Variants in AGBL4 observed in about 807,000 individuals in gnomAD.
AGBL4 encodes the protein cytosolic carboxypeptidase 6.
AGBL4 carries 58 observed loss-of-function variants against 66.4 expected under a neutral mutation model. The observed-to-expected ratio is 0.87, with a 90% CI of 0.71 to 1.09. The LOEUF (loss-of-function observed/expected upper bound fraction) is 1.09. Among genes scored for constraint, AGBL4 ranks in the 50% least tolerant of loss-of-function variants. AGBL4 has a pLI of 0.00. For synonymous variants in AGBL4, 234 were observed against 222.9 expected (o/e 1.05, Z -0.44); for missense variants, 579 against 631.0 (o/e 0.92, Z 0.88).
rs959266830 is a variant in AGBL4, at chr1:49,974,488, T to C, written c.34+49275A>G. Among the ~76,000 whole-genome samples, 4 of 152,266 alleles carry C rather than the reference T, an allele frequency of 2.6e-5. No homozygotes were observed. The South Asian group carries it at 6.2e-4, about 24-fold the overall frequency. Reference sequence around the variant, plus strand: ...CAATATTTATTCTCAGGTGTGGAAATAGTCTTTCTTCAGCTGGTAAGTGAC... The same window carrying C: ...CAATATTTATTCTCAGGTGTGGAAACAGTCTTTCTTCAGCTGGTAAGTGAC... On this transcript the variant is annotated intron_variant, in intron 1 of 13. Transcript: ENST00000371839.
chr1:49,133,714 T>A (rs1443483913), intron 4 of AGBL4, among the ~76,000 whole-genome samples: 1 of 152,056 alleles, frequency 6.6e-6, no homozygotes, highest in East Asian at 1.9e-4. Context: ...TTCGGTAATA[T>A]CCCTGCTAAA....
intron 4 of AGBL4, among the ~76,000 whole-genome samples, chr1:49,233,387 G>A (rs1156247887): frequency 1.3e-5 from 2 of 152,180 alleles, no homozygotes; most frequent in Non-Finnish European, 1.5e-5. Flanking sequence ...AAAAGAAATA[G>A]ACTAAATAGA....
intron 5 of AGBL4, among the ~76,000 whole-genome samples, chr1:48,871,094 T>C (rs1449873734): frequency 6.6e-6 from 1 of 152,194 alleles, no homozygotes; most frequent in East Asian, 1.9e-4. Flanking sequence ...ACATGGTTTA[T>C]AGAATTTGAC....
chr1:49,126,734 G>T (rs770449080), intron 4 of AGBL4, among the ~76,000 whole-genome samples: 2 of 152,032 alleles, frequency 1.3e-5, no homozygotes, highest in African/African-American at 4.8e-5. Context: ...TTATAACATG[G>T]TGCCTCTTTT....
chr1:49,330,405 C>T (rs759355919), intron 3 of AGBL4, among the ~76,000 whole-genome samples: 5 of 151,946 alleles, frequency 3.3e-5, no homozygotes, highest in African/African-American at 7.3e-5. Flanking sequence ...GGTGACAGAG[C>T]GAGACTGTGT....
At chr1:48,699,919 A>T (rs1349192964) in intron 6 of AGBL4, among the ~76,000 whole-genome samples, 4 of 134,000 alleles carry the variant, frequency 3.0e-5, no homozygotes, top group African/African-American at 1.0e-4. Flanking sequence ...ACATACATAC[A>T]TATACATATA....
intron 2 of AGBL4, among the ~76,000 whole-genome samples, chr1:49,713,314 C>G (rs1647817237): frequency 1.3e-5 from 2 of 152,104 alleles, no homozygotes; most frequent in Admixed American, 1.3e-4. Context: ...TCCAAGCTTA[C>G]AGGGGCTGAA....
chr1:49,379,636 T>C (rs962426875), intron 3 of AGBL4, among the ~76,000 whole-genome samples: 2 of 152,164 alleles, frequency 1.3e-5, no homozygotes, highest in Non-Finnish European at 2.9e-5. Context: ...ATTGAGATAA[T>C]CATGTGGTTT....
At chr1:49,123,464 T>G (rs1645702562) in intron 4 of AGBL4, among the ~76,000 whole-genome samples, 1 of 152,158 alleles carries the variant, frequency 6.6e-6, no homozygotes, top group Non-Finnish European at 1.5e-5. Flanking sequence ...TCATACACAT[T>G]TTGAGATATT....
intron 2 of AGBL4, among the ~76,000 whole-genome samples, chr1:49,830,152 C>A (rs1449598216): frequency 2.0e-5 from 3 of 152,048 alleles, no homozygotes; most frequent in Admixed American, 6.6e-5. Context: ...TTGCTGGGTC[C>A]AATGGTATTT....
chr1:49,775,918 A>T (rs1644184101), intron 2 of AGBL4, among the ~76,000 whole-genome samples: 1 of 152,140 alleles, frequency 6.6e-6, no homozygotes, highest in Non-Finnish European at 1.5e-5. Context: ...TCAAATCACA[A>T]TTCTGACTCT....
At chr1:48,740,457 T>G (rs764682258) in intron 6 of AGBL4, among the ~76,000 whole-genome samples, 13 of 152,206 alleles carry the variant, frequency 8.5e-5, no homozygotes, top group Non-Finnish European at 1.5e-4. Context: ...AGCTTTATGA[T>G]TCAATGAGTT....
intron 5 of AGBL4, among the ~76,000 whole-genome samples, chr1:48,906,263 A>G (rs1283519986): frequency 6.6e-6 from 1 of 152,220 alleles, no homozygotes; most frequent in Non-Finnish European, 1.5e-5. Context: ...ATAGCATGTT[A>G]TTTTACCTAG....
rs369557998 is a variant in AGBL4, at chr1:48,604,492, G to A, written c.952-13507C>T. On this transcript the variant is annotated intron_variant, in intron 9 of 13. Transcript: ENST00000371839. ...TCCCCCATGTAATCATGTGTTTTCC[G>A]TATAAATAGAACTCTTTATTAATAT... 1.2e-3 allele frequency among the ~76,000 whole-genome samples: 178 copies of A among 151,878 alleles called. 1 individual carries two copies. The South Asian group carries it at 0.021, about 18-fold the overall frequency.
intron 4 of AGBL4, among the ~76,000 whole-genome samples, chr1:49,172,225 C>T (rs1393769754): frequency 6.6e-6 from 1 of 152,172 alleles, no homozygotes; most frequent in African/African-American, 2.4e-5. Flanking sequence ...CTAGGAGCCA[C>T]ACTAAGCCCT....
At chr1:48,702,218 G>T (rs2148507284) in intron 6 of AGBL4, among the ~76,000 whole-genome samples, 1 of 152,248 alleles carries the variant, frequency 6.6e-6, no homozygotes, top group South Asian at 2.1e-4. Context: ...GCCAGCCAGA[G>T]CCTGAGTCCT....
chr1:49,186,192 A>G (rs1647013334), intron 4 of AGBL4, among the ~76,000 whole-genome samples: 1 of 152,114 alleles, frequency 6.6e-6, no homozygotes, highest in South Asian at 2.1e-4. Context: ...CCCTATGCAT[A>G]CATATTTCTT....
chr1:49,278,657 A>T (rs1644219018), intron 3 of AGBL4, among the ~76,000 whole-genome samples: 1 of 152,178 alleles, frequency 6.6e-6, no homozygotes, highest in Admixed American at 6.5e-5. Context: ...AGTCTCAGTC[A>T]GTATCCAGGC....
At chr1:49,494,633 C>T (rs1454876054) in intron 3 of AGBL4, among the ~76,000 whole-genome samples, 1 of 152,046 alleles carries the variant, frequency 6.6e-6, no homozygotes, top group Non-Finnish European at 1.5e-5. Flanking sequence ...CATAGTATTC[C>T]ATGGTGTATA....
Sources: gnomAD v4.1 joint callset for allele counts (sites outside exome capture counted in the v4.1 genomes callset) on GRCh38, gnomAD v4.1.1 for gene constraint, MANE v1.5 for transcripts, NCBI Gene and HGNC (gene_info 2026-07-23, HGNC 2026-07-21) for gene names.